The following ZNF90 variants were observed in gnomAD, a reference collection of about 807,000 sequenced individuals.
The protein encoded by ZNF90 is zinc finger protein HTF9.
In ZNF90, 11 loss-of-function variants were observed where a neutral mutation model predicts 12.0. The ratio of observed to expected loss-of-function variants is 0.92; its 90% CI spans 0.58 to 1.52. The LOEUF is 1.52. Ranked by LOEUF, ZNF90 falls within the 40% of genes most tolerant of loss-of-function variation. The probability of loss-of-function intolerance (pLI) is 0.00; values close to 1 mark genes in which losing one functional copy is unlikely to be tolerated. For missense variants in ZNF90, 765 were observed against 711.5 expected, an observed-to-expected ratio of 1.08 and a Z score of -0.86; for synonymous variants, 232 against 240.1, an observed-to-expected ratio of 0.97 and a Z score of 0.31.
At position 20,117,800 on chromosome 19, in the gene ZNF90, C is replaced by T; in HGVS notation, c.246C>T (p.Ala82=). 6.5e-7 allele frequency: 1 copy of T among 1,538,080 alleles called. No homozygotes were observed. Among genetic ancestry groups the T allele is most frequent in the Non-Finnish European group, 8.7e-7 (1 of 1,148,482 alleles). Residue 82 remains alanine (A), a synonymous_variant, in exon 4 of 4, where the codon GCC becomes GCT. Coordinates refer to ENST00000418063, the MANE Select transcript of ZNF90 (RefSeq NM_007138.2). ...AKSPVMCFHF[A]QDLCPEQSLK... ...TTTCAGTTATGTGTTTTCATTTTGC[C>T]CAAGACCTTTGTCCAGAGCAGAGCC...
chr19:20,101,281 C>A (rs940005211), intron 1 of ZNF90, among the ~76,000 whole-genome samples: 1 of 152,318 alleles, frequency 6.6e-6, no homozygotes, highest in East Asian at 1.9e-4. Context: ...TCTTCCATGA[C>A]CCACGGCTTC....
intron 1 of ZNF90, among the ~76,000 whole-genome samples, chr19:20,092,563 A>G (rs1180465633): frequency 6.6e-6 from 1 of 152,202 alleles, no homozygotes; most frequent in Non-Finnish European, 1.5e-5. Flanking sequence ...CTATGGGGTC[A>G]GCTAGGTTTC....
intron 3 of ZNF90, among the ~76,000 whole-genome samples, chr19:20,114,977 A>ATAC (rs1555705505): frequency 6.6e-6 from 1 of 152,200 alleles, no homozygotes; most frequent in Admixed American, 6.5e-5. Context: ...ACGCACACAA[A>ATAC]TACACACATG....
chr19:20,091,109 T>G (rs2088898978), intron 1 of ZNF90, among the ~76,000 whole-genome samples: 1 of 152,110 alleles, frequency 6.6e-6, no homozygotes, highest in African/African-American at 2.4e-5. Context: ...TCAGACCCTG[T>G]GGGGAAGGCC....
Position 20,117,641 on chromosome 19 carries a change from T to C in ZNF90, c.227-140T>C, listed in dbSNP as rs533676784. ...ACCTGTATTTATCAGAATCTAGCAATTGAAGTAATGTGTTCTTATTGTTTC... is the reference window on the plus strand; with the variant it reads ...ACCTGTATTTATCAGAATCTAGCAACTGAAGTAATGTGTTCTTATTGTTTC... On this transcript the variant is annotated intron_variant, in intron 3 of 3. Transcript: ENST00000418063. 3.3e-5 allele frequency: 46 copies of C among 1,380,018 alleles called. No homozygotes were observed. In the African/African-American group the frequency reaches 6.0e-4, roughly 18 times the overall value. The allele number at this position is 1,380,018 out of a possible 1,614,324, so 85.5% of individuals were successfully genotyped here.
rs1294206352 is a variant in ZNF90, at chr19:20,117,397, C to CTTTTCTCCTTCCTTCCT, written c.227-383_227-382insTTTCTCCTTCCTTCCTT. 2.0e-3 allele frequency among the ~76,000 whole-genome samples: 186 copies of CTTTTCTCCTTCCTTCCT among 91,326 alleles called. 1 individual carries two copies. The highest frequency in any genetic ancestry group is 0.012 in the African/African-American group (174 of 14,130). 59.9% of individuals were successfully genotyped at this position (91,326 alleles called of 152,430 possible). A position where few individuals can be genotyped will look rare whatever the true frequency, so the allele number is the denominator to read the frequency against. On this transcript the variant is annotated intron_variant, in intron 3 of 3. Coordinates refer to ENST00000418063, the MANE Select transcript of ZNF90 (RefSeq NM_007138.2). Reference sequence around the variant, plus strand: ...TTTTTCCTTTCTTTTCTTTTCTTTTCTCCTTCCTTCCTTCCTTCCTTCCTT... The same window carrying CTTTTCTCCTTCCTTCCT: ...TTTTTCCTTTCTTTTCTTTTCTTTTCTTTTCTCCTTCCTTCCTTCCTTCCTTCCTTCCTTCCTTCCTT...
chr19:20,108,851 C>T (rs782183672), intron 3 of ZNF90, among the ~76,000 whole-genome samples: 12 of 150,790 alleles, frequency 8.0e-5, no homozygotes, highest in Non-Finnish European at 1.5e-4. Context: ...ATCAGCTTCC[C>T]GAGTAGCTGG....
At position 20,109,841 on chromosome 19, in the gene ZNF90, C is replaced by CA. The variant is rs1212982398; in HGVS notation, c.226+4535dup. Among the ~76,000 whole-genome samples, 226 of 141,142 alleles carry CA rather than the reference C, an allele frequency of 1.6e-3. 2 individuals are homozygous for CA. Among genetic ancestry groups the CA allele is most frequent in the African/African-American group, 4.4e-3 (171 of 38,602 alleles). The allele number at this position is 141,142 out of a possible 152,430, so 92.6% of individuals were successfully genotyped here. On this transcript the variant is annotated intron_variant, in intron 3 of 3. Coordinates refer to ENST00000418063, the MANE Select transcript of ZNF90 (RefSeq NM_007138.2). ...GGGTGACAGAGTGAGACTCTGTCTCCAAAAAAAAAAGCTGTTTATTTCAGG... is the reference window on the plus strand; with the variant it reads ...GGGTGACAGAGTGAGACTCTGTCTCCAAAAAAAAAAAGCTGTTTATTTCAGG...
chr19:20,117,650 T>A (rs1165646372), intron 3 of ZNF90, 131 bp from the exon 4 acceptor site: 1 of 1,391,884 alleles, frequency 7.2e-7, no homozygotes, highest in African/African-American at 1.5e-5. Flanking sequence ...ATTGAAGTAA[T>A]GTGTTCTTAT....
Position 20,118,010 on chromosome 19 carries a change from A to T in ZNF90, c.456A>T (p.Lys152Asn), listed in dbSNP as rs782663855. Residue 152 changes from lysine to asparagine, a missense_variant, in exon 4 of 4, where the codon AAA becomes AAT. Physicochemically the swap from Lys to Asn is moderately conservative, Grantham distance 94. Coordinates refer to ENST00000418063, the MANE Select transcript of ZNF90 (RefSeq NM_007138.2). ...SKVFQCDTYV[K>N]VSHIFSNSNR... ...TATTTCAATGTGATACATATGTGAA[A>T]GTCTCTCATATATTTTCAAATTCAA... The T allele has an allele frequency of 3.1e-6, 5 of 1,612,390 alleles. No individual in the cohort carries two copies. The highest frequency in any genetic ancestry group is 4.2e-6 in the Non-Finnish European group (5 of 1,179,240).
chr19:20,104,139 A>G, intron 1 of ZNF90, 100 bp from the exon 2 acceptor site: 1 of 1,546,372 alleles, frequency 6.5e-7, no homozygotes, highest in East Asian at 2.3e-5. Flanking sequence ...GTAAGTCAGA[A>G]CCAATTCTCT....
intron 1 of ZNF90, among the ~76,000 whole-genome samples, chr19:20,092,712 G>A (rs1555702853): frequency 1.3e-5 from 2 of 152,200 alleles, no homozygotes; most frequent in Admixed American, 6.5e-5. Flanking sequence ...AGTCGGATAC[G>A]ATCGGCAGGG....
In ZNF90 at chr19:20,120,825, G is replaced by T. The variant is rs2089188827; in HGVS notation, c.*1465G>T. Reference sequence around the variant, plus strand: ...AAAAAATTTTTGAAAAGTGAATAAGGTAATAGAGCTTTCAAATTTATGCTG... The same window carrying T: ...AAAAAATTTTTGAAAAGTGAATAAGTTAATAGAGCTTTCAAATTTATGCTG... On this transcript the variant is annotated 3_prime_UTR_variant, in exon 4 of 4. Coordinates refer to ENST00000418063, the MANE Select transcript of ZNF90 (RefSeq NM_007138.2). The T allele has an allele frequency of 6.6e-6, 1 of 152,122 alleles. No homozygotes were observed. Among genetic ancestry groups the T allele is most frequent in the African/African-American group, 2.4e-5 (1 of 41,430 alleles). The allele number at this position is 152,122 out of a possible 1,614,324, so 9.4% of individuals were successfully genotyped here. A position where few individuals can be genotyped will look rare whatever the true frequency, so the allele number is the denominator to read the frequency against.
chr19:20,112,672 CTT>C (rs1169368173), intron 3 of ZNF90, among the ~76,000 whole-genome samples: 8 of 152,108 alleles, frequency 5.3e-5, no homozygotes, highest in Admixed American at 4.6e-4. Flanking sequence ...ACCCTCTTAA[CTT>C]TTATTTTGGA....
chr19:20,115,586 TTCA>T (rs2089130358), intron 3 of ZNF90, among the ~76,000 whole-genome samples: 1 of 152,014 alleles, frequency 6.6e-6, no homozygotes, highest in African/African-American at 2.4e-5. Context: ...GCAAAAATTC[TTCA>T]TCATTACATC....
chr19:20,094,964 G>A (rs1236541184), intron 1 of ZNF90, among the ~76,000 whole-genome samples: 1 of 152,174 alleles, frequency 6.6e-6, no homozygotes, highest in Admixed American at 6.5e-5. Flanking sequence ...GCCGGACCGG[G>A]TGTGAGGAGG....
At position 20,101,600 on chromosome 19, in the gene ZNF90, G is replaced by C. The variant is rs78268428; in HGVS notation, c.4-2639G>C. Among the ~76,000 whole-genome samples, 42 of 152,254 alleles carry C rather than the reference G, an allele frequency of 2.8e-4. No homozygotes were observed. In the East Asian group the frequency reaches 8.1e-3, roughly 29 times the overall value. ...TTTTTGAATCTCTTCTATTTTAAAG[G>C]ACATAAATGGGTGGACTTTTTCTGT... On this transcript the variant is annotated intron_variant, in intron 1 of 3. Transcript: ENST00000418063.
chr19:20,118,022 A>G lies in ZNF90; in HGVS notation c.468A>G (p.Ile156Met), dbSNP rs1223405226. The change falls in exon 4 of 4, where the codon ATA (isoleucine) becomes ATG (methionine). Residue 156 changes from isoleucine (I) to methionine (M), a missense_variant. Physicochemically the swap from Ile to Met is conservative, Grantham distance 10 (BLOSUM62 1). Transcript: ENST00000418063. ...QCDTYVKVSH[I>M]FSNSNRHKIR... ...ATACATATGTGAAAGTCTCTCATAT[A>G]TTTTCAAATTCAAACAGACATAAGA... 3.7e-6 allele frequency: 6 copies of G among 1,611,970 alleles called. No individual in the cohort carries two copies. The highest frequency in any genetic ancestry group is 5.1e-6 in the Non-Finnish European group (6 of 1,179,018).
chr19:20,085,017 T>A (rs78956823), intron 1 of ZNF90, among the ~76,000 whole-genome samples: 2,268 of 152,262 alleles, frequency 0.015, 53 homozygotes, highest in African/African-American at 0.052. Flanking sequence ...TGGTATTTCC[T>A]AGGTTATCAT....
Sources: allele counts gnomAD v4.1 joint callset (sites outside exome capture counted in the v4.1 genomes callset), GRCh38; gene constraint gnomAD v4.1.1; transcripts MANE v1.5; gene names NCBI Gene and HGNC (gene_info 2026-07-23, HGNC 2026-07-21).